The following NKAIN3 variants were observed in gnomAD, a reference collection of about 807,000 sequenced individuals.
The protein encoded by NKAIN3 is sodium/potassium transporting ATPase interacting 3.
Under a neutral mutation model 30.2 loss-of-function variants are expected in NKAIN3, and 25 were observed. The ratio of observed to expected loss-of-function variants is 0.83; its 90% CI spans 0.60 to 1.16. The LOEUF (loss-of-function observed/expected upper bound fraction) is 1.16, where lower values mean the gene tolerates loss of function less well. Ranked by LOEUF, NKAIN3 falls within the 50% of genes most tolerant of loss-of-function variation. NKAIN3 has a pLI of 0.00. For synonymous variants in NKAIN3, 91 were observed against 89.6 expected (o/e 1.02, Z -0.09); for missense variants, 225 against 254.1 (o/e 0.89, Z 0.78).
At chr8:62,740,176 A>T (rs1471286186) in intron 3 of NKAIN3, among the ~76,000 whole-genome samples, 1 of 152,206 alleles carries the variant, frequency 6.6e-6, no homozygotes, top group Non-Finnish European at 1.5e-5. Flanking sequence ...AATTAGAAAA[A>T]TAAGACATTT....
At chr8:62,962,802 G>A (rs1823607837) in intron 6 of NKAIN3, among the ~76,000 whole-genome samples, 1 of 152,184 alleles carries the variant, frequency 6.6e-6, no homozygotes, top group Non-Finnish European at 1.5e-5. Flanking sequence ...CTAGTTGATA[G>A]GTGAAACTTT....
intron 1 of NKAIN3, among the ~76,000 whole-genome samples, chr8:62,430,490 A>G (rs752262294): frequency 5.3e-5 from 8 of 150,764 alleles, no homozygotes; most frequent in Non-Finnish European, 1.0e-4. Flanking sequence ...TGATACTATC[A>G]TTTTTAATGT....
At chr8:62,594,902 C>T (rs987025932) in intron 3 of NKAIN3, among the ~76,000 whole-genome samples, 2 of 145,994 alleles carry the variant, frequency 1.4e-5, no homozygotes, top group Non-Finnish European at 3.0e-5. Context: ...GGTTAGAGTT[C>T]TTTTCTCATA....
intron 1 of NKAIN3, among the ~76,000 whole-genome samples, chr8:62,424,001 T>G (rs1311353365): frequency 6.6e-6 from 1 of 151,978 alleles, no homozygotes; most frequent in Non-Finnish European, 1.5e-5. Flanking sequence ...CTTTATTTCC[T>G]CTGTGTGAAT....
At chr8:62,738,658 G>A (rs1259652338) in intron 3 of NKAIN3, among the ~76,000 whole-genome samples, 3 of 147,950 alleles carry the variant, frequency 2.0e-5, no homozygotes, top group African/African-American at 7.4e-5. Flanking sequence ...CATATCCTTT[G>A]CCCACTTTTT....
intron 4 of NKAIN3, chr8:62,855,793 CA>C: frequency 9.6e-7 from 1 of 1,037,512 alleles, no homozygotes; most frequent in South Asian, 1.3e-5. Context: ...TTATCATCAG[CA>C]AAGAGTAAAA....
chr8:62,689,715 T>G (rs2130438971), intron 3 of NKAIN3, among the ~76,000 whole-genome samples: 1 of 152,240 alleles, frequency 6.6e-6, no homozygotes, highest in Admixed American at 6.5e-5. Flanking sequence ...CCAGAATTCC[T>G]ATCCCCTTAT....
At chr8:62,856,181 A>C in intron 4 of NKAIN3, 1 of 764,876 alleles carries the variant, frequency 1.3e-6, no homozygotes, top group Non-Finnish European at 2.4e-6. Context: ...AGGCAGAAGC[A>C]AACTTCCTGT....
rs139109111 is a variant in NKAIN3, at chr8:62,795,537, C to T, written c.471+48408C>T. Among the ~76,000 whole-genome samples, 813 of 152,176 alleles carry T rather than the reference C, an allele frequency of 5.3e-3. 3 individuals carry two copies. The highest frequency in any genetic ancestry group is 0.018 in the African/African-American group (752 of 41,522). On this transcript the variant is annotated intron_variant, in intron 4 of 6. Coordinates refer to ENST00000623646, the MANE Select transcript of NKAIN3 (RefSeq NM_001304533.3). ...TTAGATCCCAGCTCCAGAATTTACT[C>T]GCTATAGAACGTTCAGCTAGAAGGT...
At chr8:62,790,006 T>C (rs1056761406) in intron 4 of NKAIN3, among the ~76,000 whole-genome samples, 3 of 151,586 alleles carry the variant, frequency 2.0e-5, no homozygotes, top group Admixed American at 6.6e-5. Flanking sequence ...AGAGACACAA[T>C]AAAAAAAGAG....
At chr8:62,988,711 C>T (rs888338717), downstream of NKAIN3, among the ~76,000 whole-genome samples, 15 of 152,240 alleles carry the variant, frequency 9.9e-5, no homozygotes, top group Non-Finnish European at 4.4e-5. Context: ...ATGGGAGGGG[C>T]AGCTATGAAG....
chr8:62,290,360 TATG>T lies in NKAIN3; in HGVS notation c.54+41236_54+41238del, dbSNP rs1813549919. Among the ~76,000 whole-genome samples, 3 of 152,340 alleles carry T rather than the reference TATG, an allele frequency of 2.0e-5. No homozygotes were observed. The South Asian group carries it at 6.2e-4, about 32-fold the overall frequency. ...ATGCTTCCAGTTTTTGCCCATTCAG[TATG>T]ATATTGGCTGTGGGTTTGTCATAAA... On this transcript the variant is annotated intron_variant, in intron 1 of 6. Transcript: ENST00000623646.
rs1295905121 is a variant in NKAIN3 at position 62,981,671 on chromosome 8, A to G, written c.*16264A>G. ...TATTCTCAGGTGAGCTTACCTTTCA[A>G]ATTTTTCTGAGACTTCCTAAATGTG... On this transcript the variant is annotated 3_prime_UTR_variant, in exon 7 of 7. Coordinates refer to ENST00000623646, the MANE Select transcript of NKAIN3 (RefSeq NM_001304533.3). 1 of 151,972 alleles carries G rather than the reference A, an allele frequency of 6.6e-6. No individual in the cohort carries two copies. Among genetic ancestry groups the G allele is most frequent in the Non-Finnish European group, 1.5e-5 (1 of 67,980 alleles). The allele number at this position is 151,972 out of a possible 1,614,324, so 9.4% of individuals were successfully genotyped here.
intron 4 of NKAIN3, among the ~76,000 whole-genome samples, chr8:62,872,407 G>A (rs979768916): frequency 6.6e-6 from 1 of 152,196 alleles, no homozygotes; most frequent in Non-Finnish European, 1.5e-5. Flanking sequence ...AAACCTCTGA[G>A]AGATAAGGAG....
chr8:62,980,639 T>C lies in NKAIN3; in HGVS notation c.*15232T>C, dbSNP rs551760912. 7.2e-5 allele frequency: 11 copies of C among 152,344 alleles called. No individual in the cohort carries two copies. Among genetic ancestry groups the C allele is most frequent in the African/African-American group, 2.6e-4 (11 of 41,584 alleles). The allele number at this position is 152,344 out of a possible 1,614,324, so 9.4% of individuals were successfully genotyped here. ...CTAATATCTTTTAATATTTATGCTA[T>C]TATATAGCTTTTTATTTTTGACATG... is the stretch of plus-strand genomic sequence containing the variant. On this transcript the variant is annotated 3_prime_UTR_variant, in exon 7 of 7. Transcript: ENST00000623646.
At chr8:62,472,498 A>G (rs569138603) in intron 1 of NKAIN3, among the ~76,000 whole-genome samples, 28 of 152,308 alleles carry the variant, frequency 1.8e-4, no homozygotes, top group African/African-American at 6.5e-4. Context: ...TGGCACCTCA[A>G]TAAAGGTTAG....
chr8:62,398,990 C>A (rs1007275669), intron 1 of NKAIN3, among the ~76,000 whole-genome samples: 1 of 152,146 alleles, frequency 6.6e-6, no homozygotes, highest in East Asian at 1.9e-4. Context: ...ACTCTTGAGG[C>A]TGAGGCAGGA....
At chr8:62,577,210 A>G (rs1431985526) in intron 1 of NKAIN3, among the ~76,000 whole-genome samples, 2 of 151,922 alleles carry the variant, frequency 1.3e-5, no homozygotes, top group Non-Finnish European at 2.9e-5. Flanking sequence ...TCCCACCTCA[A>G]TTCATTTTTT....
chr8:62,930,987 G>A (rs895477646), intron 5 of NKAIN3, among the ~76,000 whole-genome samples: 24 of 152,154 alleles, frequency 1.6e-4, no homozygotes, highest in Middle Eastern at 3.2e-3. Flanking sequence ...GATTACAGGC[G>A]TAAGCCACCA....
Sources: gnomAD v4.1 joint callset for allele counts (sites outside exome capture counted in the v4.1 genomes callset) on GRCh38, gnomAD v4.1.1 for gene constraint, MANE v1.5 for transcripts, NCBI Gene and HGNC (gene_info 2026-07-23, HGNC 2026-07-21) for gene names.